ABCC6: variants seen among roughly 807,000 people sequenced by gnomAD.
ABCC6 encodes the protein ATP-binding cassette sub-family C member 6.
In ABCC6, 126 loss-of-function variants were observed where a neutral mutation model predicts 169.5. The ratio of observed to expected loss-of-function variants is 0.74; its 90% confidence interval spans 0.64 to 0.86. ABCC6 has a LOEUF of 0.86. Among genes scored for constraint, ABCC6 ranks in the 40% least tolerant of loss-of-function variants. The probability of loss-of-function intolerance (pLI) is 0.00; values close to 1 mark genes in which losing one functional copy is unlikely to be tolerated. For missense variants in ABCC6, 1,733 were observed against 1,927.2 expected (o/e 0.90, Z 1.89); for synonymous variants, 752 against 814.7 (o/e 0.92, Z 1.31).
chr16:16,157,841 GC>G (rs762571943), intron 26 of ABCC6, 32 bp from the exon 27 acceptor site: 1 of 1,600,062 alleles, frequency 6.2e-7, no homozygotes, highest in Non-Finnish European at 8.5e-7. Context: ...AGTCAGAGGA[GC>G]CTTCCTCTAA....
chr16:16,167,758 C>T (rs7205901), intron 22 of ABCC6, among the ~76,000 whole-genome samples: 109,583 of 152,132 alleles, frequency 0.72, 42,283 homozygotes, highest in South Asian at 0.9. Context: ...CATGAGCCAC[C>T]GTATCTGGCC....
chr16:16,179,955 C>T (rs934131851), intron 17 of ABCC6, among the ~76,000 whole-genome samples: 1 of 152,148 alleles, frequency 6.6e-6, no homozygotes, highest in Non-Finnish European at 1.5e-5. Context: ...AGTGGGAGCC[C>T]TGAGCTTGTT....
intron 7 of ABCC6, 80 bp downstream of exon 7, chr16:16,208,648 A>C (rs2048479502): frequency 3.7e-6 from 6 of 1,609,938 alleles, no homozygotes; most frequent in Non-Finnish European, 4.2e-6. Flanking sequence ...CCGGGATTAC[A>C]GTCGTGAGCC....
intron 9 of ABCC6, among the ~76,000 whole-genome samples, chr16:16,199,097 G>A (rs1259889125): frequency 5.4e-5 from 8 of 147,618 alleles, no homozygotes; most frequent in Admixed American, 1.4e-4. Context: ...GAGTACAGGA[G>A]GTTGAGGCTG....
At chr16:16,222,750 C>T (rs1455155923) in intron 1 of ABCC6, among the ~76,000 whole-genome samples, 2 of 151,468 alleles carry the variant, frequency 1.3e-5, no homozygotes, top group South Asian at 4.2e-4. Flanking sequence ...GTTTAGTGGA[C>T]GTGGCCTCTT....
At chr16:16,221,273 G>A in intron 2 of ABCC6, 1 of 1,264,126 alleles carries the variant, frequency 7.9e-7, no homozygotes, top group South Asian at 2.3e-5. Flanking sequence ...AGCCAGTGGG[G>A]GAACATAAAA....
chr16:16,179,054 C>G, intron 17 of ABCC6, 89 bp from the exon 18 acceptor site: 1 of 1,413,492 alleles, frequency 7.1e-7, no homozygotes, highest in South Asian at 1.2e-5. Flanking sequence ...GGCACACCTG[C>G]CCATCAGGGT....
intron 9 of ABCC6, among the ~76,000 whole-genome samples, chr16:16,198,773 C>G (rs2048141002): frequency 6.6e-6 from 1 of 151,334 alleles, no homozygotes; most frequent in South Asian, 2.1e-4. Context: ...GTGGACAGAT[C>G]ACCTGAGGTC....
intron 6 of ABCC6, among the ~76,000 whole-genome samples, chr16:16,211,868 C>T (rs2048634924): frequency 6.6e-6 from 1 of 151,636 alleles, no homozygotes; most frequent in African/African-American, 2.4e-5. Context: ...CCGCTGTGTG[C>T]AAGCACTAAG....
At position 16,198,110 on chromosome 16, in the gene ABCC6, C is replaced by T. The variant is rs768869262; in HGVS notation, c.1249G>A (p.Val417Met). 2.2e-5 allele frequency: 36 copies of T among 1,612,942 alleles called. No homozygotes were observed. The highest frequency in any genetic ancestry group is 6.7e-5 in the Admixed American group (4 of 59,860). The stretch of plus-strand genomic sequence containing the variant: ...AGGACGCTCTCGGTCAGCCGCTGCA[C>T]GTCCACGGACACCAGATTGACCACA... ...GDVVNLVSVD[V>M]QRLTESVLYL... The change falls in exon 10 of 31, where the codon GTG (valine) becomes ATG (methionine). Residue 417 changes from valine (V) to methionine (M), a missense_variant. Val to Met is a conservative substitution (Grantham distance 21, BLOSUM62 1). This residue lies in a region of ABCC6 where 1,601 missense variants were observed against 1,635.5 expected (regional missense o/e 0.98). Coordinates refer to ENST00000205557, the MANE Select transcript of ABCC6 (RefSeq NM_001171.6).
intron 12 of ABCC6, 122 bp downstream of exon 12, chr16:16,190,042 A>T: frequency 9.8e-7 from 1 of 1,020,114 alleles, no homozygotes; most frequent in Non-Finnish European, 1.5e-6. Context: ...AACAGGATCC[A>T]GAATGAGTGG....
chr16:16,168,718 CAG>C (rs949041279), intron 22 of ABCC6, among the ~76,000 whole-genome samples: 9 of 152,082 alleles, frequency 5.9e-5, no homozygotes, highest in South Asian at 4.1e-4. Context: ...AGAGACTGAA[CAG>C]GGGATACGAC....
rs1345727670 is a variant in ABCC6, at chr16:16,203,420, TG to T, written c.987del (p.Lys330SerfsTer26). The T allele has an allele frequency of 6.2e-7, 1 of 1,613,686 alleles. No homozygotes were observed. The highest frequency in any genetic ancestry group is 1.3e-5 in the African/African-American group (1 of 74,856). On this transcript the variant is annotated frameshift_variant, in exon 8 of 31. Transcript: ENST00000205557. LOFTEE classifies it high-confidence loss of function. ...AGGTCTGGGACTCACCTGAGCAGCTTGGGGACAGTGAACCTGAAGACATCAC... is the reference window on the plus strand; with the variant it reads ...AGGTCTGGGACTCACCTGAGCAGCTTGGGACAGTGAACCTGAAGACATCAC... ...IISDVFRFTV[P>X]KLLSLFLEFI...
chr16:16,150,014 G>GCAAA lies in ABCC6; in HGVS notation c.*115_*118dup. On this transcript the variant is annotated 3_prime_UTR_variant, in exon 31 of 31. Transcript: ENST00000205557. ...TTCTCTGCCATTTTCCTCCCAGAGAGCAAACACAGGTCTAGACTCAATATC... is the reference window on the plus strand; with the variant it reads ...TTCTCTGCCATTTTCCTCCCAGAGAGCAAACAAACACAGGTCTAGACTCAATATC... 1.4e-6 allele frequency: 2 copies of GCAAA among 1,464,050 alleles called. No homozygotes were observed. The highest frequency in any genetic ancestry group is 1.9e-6 in the Non-Finnish European group (2 of 1,069,436). The allele number at this position is 1,464,050 out of a possible 1,614,324, so 90.7% of individuals were successfully genotyped here.
chr16:16,182,318 C>G, intron 17 of ABCC6, 94 bp downstream of exon 17: 1 of 1,515,472 alleles, frequency 6.6e-7, no homozygotes, highest in Non-Finnish European at 9.2e-7. Context: ...CCATTCCTCT[C>G]ATTTCTCCAT....
chr16:16,168,543 C>T (rs2046955109), intron 22 of ABCC6, among the ~76,000 whole-genome samples: 1 of 151,998 alleles, frequency 6.6e-6, no homozygotes, highest in Non-Finnish European at 1.5e-5. Flanking sequence ...ACTCCTGTTA[C>T]TCCCTTCAGC....
At chr16:16,168,713 C>T (rs2046960006) in intron 22 of ABCC6, among the ~76,000 whole-genome samples, 4 of 152,078 alleles carry the variant, frequency 2.6e-5, no homozygotes, top group Admixed American at 1.3e-4. Context: ...ATGCGAGAGA[C>T]TGAACAGGGG....
intron 21 of ABCC6, among the ~76,000 whole-genome samples, chr16:16,172,141 A>C (rs1194653122): frequency 7.3e-5 from 8 of 109,526 alleles, no homozygotes; most frequent in South Asian, 3.4e-4. Context: ...GATGGGATGC[A>C]TAAATGAGTG....
intron 7 of ABCC6, among the ~76,000 whole-genome samples, chr16:16,207,728 A>T (rs1192647516): frequency 6.6e-6 from 1 of 152,170 alleles, no homozygotes; most frequent in Non-Finnish European, 1.5e-5. Flanking sequence ...CACTATTTGA[A>T]GGCAGGGCAG....
Sources: allele counts gnomAD v4.1 joint callset (sites outside exome capture counted in the v4.1 genomes callset), GRCh38; gene constraint gnomAD v4.1.1; regional missense constraint gnomAD v4.1.1; transcripts MANE v1.5; gene names NCBI Gene and HGNC (gene_info 2026-07-23, HGNC 2026-07-21).